The following LIPJ variants were observed in gnomAD, a reference collection of about 807,000 sequenced individuals.
The protein encoded by LIPJ is lipase family member J.
LIPJ carries 33 observed loss-of-function variants against 39.8 expected under a neutral mutation model. That is an observed-to-expected ratio of 0.83 (90% CI 0.63 to 1.11). The LOEUF (loss-of-function observed/expected upper bound fraction) is 1.11, where lower values mean the gene tolerates loss of function less well. Ranked by LOEUF, LIPJ falls within the 50% of genes least tolerant of loss-of-function variation. The pLI is 0.00. For missense variants in LIPJ, 422 were observed against 427.9 expected, an observed-to-expected ratio of 0.99 and a Z score of 0.12; for synonymous variants, 128 against 139.2, an observed-to-expected ratio of 0.92 and a Z score of 0.57.
the LIPJ span, among the ~76,000 whole-genome samples, chr10:88,615,200 G>T: frequency 6.6e-6 from 1 of 152,178 alleles, no homozygotes; most frequent in African/African-American, 2.4e-5. Flanking sequence ...CAAAGGGATT[G>T]TAATATACAA....
At chr10:88,587,547 A>T (rs1270810700) in intron 2 of LIPJ, among the ~76,000 whole-genome samples, 155 bp downstream of exon 2, 1 of 152,100 alleles carries the variant, frequency 6.6e-6, no homozygotes, top group East Asian at 1.9e-4. Context: ...GATATTTGAT[A>T]TCTTCATATT....
upstream of LIPJ, among the ~76,000 whole-genome samples, chr10:88,585,007 C>T (rs1018503977): frequency 5.3e-5 from 8 of 152,154 alleles, no homozygotes; most frequent in African/African-American, 1.2e-4. Flanking sequence ...TACAATTATA[C>T]ATTGAAGTTT....
Position 88,596,935 on chromosome 10 carries a change from TG to T in LIPJ, c.723+1del. On this transcript the variant is annotated frameshift_variant and splice_region_variant, in exon 8 of 11. Transcript: ENST00000371939. LOFTEE classifies it high-confidence loss of function. The stretch of plus-strand genomic sequence containing the variant: ...GGATATGACCCAAAAAACTTAAATA[TG>T]GTAAGAACAAGTTGTATTTGAAATA... 6.9e-7 allele frequency: 1 copy of T among 1,454,300 alleles called. No individual in the cohort carries two copies. Among genetic ancestry groups the T allele is most frequent in the Non-Finnish European group, 9.5e-7 (1 of 1,056,910 alleles). The allele number at this position is 1,454,300 out of a possible 1,614,324, so 90.1% of individuals were successfully genotyped here.
At chr10:88,602,521 C>G (rs1272666764) in intron 8 of LIPJ, 55 bp from the exon 9 acceptor site, 14 of 1,196,480 alleles carry the variant, frequency 1.2e-5, no homozygotes, top group Non-Finnish European at 1.6e-5. Flanking sequence ...AAAGATTATG[C>G]TCTCTATGAT....
intron 9 of LIPJ, 87 bp downstream of exon 9, chr10:88,602,734 T>C: frequency 5.9e-6 from 4 of 673,926 alleles, no homozygotes; most frequent in South Asian, 2.5e-5. Flanking sequence ...ACCATGGCCA[T>C]AGAGTAATAA....
chr10:88,597,784 A>G (rs896078827), intron 8 of LIPJ, among the ~76,000 whole-genome samples: 7 of 150,642 alleles, frequency 4.6e-5, no homozygotes, highest in African/African-American at 1.7e-4. Context: ...TTACTTTCAT[A>G]TTCCCTCTTT....
chr10:88,621,838 A>C, the LIPJ span, among the ~76,000 whole-genome samples: 2,215 of 152,296 alleles, frequency 0.015, 64 homozygotes, highest in African/African-American at 0.05. Flanking sequence ...AGCAGAGGTA[A>C]ACATGTATGC....
intron 8 of LIPJ, among the ~76,000 whole-genome samples, chr10:88,598,507 A>T (rs992351603): frequency 1.3e-5 from 2 of 152,174 alleles, no homozygotes; most frequent in East Asian, 3.9e-4. Flanking sequence ...TCTAACTCTT[A>T]TGAGGGGAAA....
At chr10:88,583,449 G>A, upstream of LIPJ, 1 of 1,333,666 alleles carries the variant, frequency 7.5e-7, no homozygotes, top group African/African-American at 1.5e-5. Flanking sequence ...TTGGGGGCCG[G>A]GCGCCCTGCC....
intron 6 of LIPJ, among the ~76,000 whole-genome samples, 166 bp downstream of exon 6, chr10:88,594,942 C>T (rs1477605296): frequency 6.6e-6 from 1 of 151,704 alleles, no homozygotes; most frequent in East Asian, 1.9e-4. Context: ...TGCTTTGATC[C>T]CCCATGGAGT....
chr10:88,597,073 A>C, intron 8 of LIPJ, 137 bp downstream of exon 8: 1 of 517,682 alleles, frequency 1.9e-6, no homozygotes, highest in East Asian at 3.2e-5. Context: ...AGCCTATCTG[A>C]TTTTATGACT....
the LIPJ span, chr10:88,618,254 C>G: frequency 7.2e-5 from 11 of 152,090 alleles, no homozygotes; most frequent in African/African-American, 2.4e-4. Flanking sequence ...ATTGATCTAG[C>G]CTTCCCTGTT....
upstream of LIPJ, among the ~76,000 whole-genome samples, chr10:88,586,284 C>T (rs892597817): frequency 6.6e-6 from 1 of 152,090 alleles, no homozygotes; most frequent in African/African-American, 2.4e-5. Flanking sequence ...ATAATGGGTC[C>T]TTGGTTGACT....
chr10:88,593,268 C>T (rs1851140503), intron 4 of LIPJ: 1 of 151,690 alleles, frequency 6.6e-6, no homozygotes, highest in Admixed American at 6.6e-5. Flanking sequence ...CTCTGGAGAC[C>T]AGGGCCTCTA....
upstream of LIPJ, chr10:88,583,281 C>T: frequency 1.3e-6 from 2 of 1,556,040 alleles, no homozygotes; most frequent in Non-Finnish European, 8.6e-7. Context: ...GGCGCTAGCG[C>T]TCTTTGGTTC....
chr10:88,618,240 G>A, the LIPJ span: 1 of 151,950 alleles, frequency 6.6e-6, no homozygotes. Context: ...TTTCTAATAA[G>A]CCTATTGATC....
chr10:88,584,779 A>G (rs976467766), upstream of LIPJ, among the ~76,000 whole-genome samples: 4 of 152,150 alleles, frequency 2.6e-5, no homozygotes, highest in Admixed American at 6.5e-5. Context: ...GTGGGTGTGT[A>G]TACTTTATGT....
rs372231346 is a variant in LIPJ at position 88,602,611 on chromosome 10, A to G, written c.759A>G (p.Ala253=). Residue 253 remains alanine (A), a synonymous_variant, in exon 9 of 11, where the codon GCA becomes GCG. Transcript: ENST00000371939. The stretch of plus-strand genomic sequence containing the variant: ...ATGTGTATTTTTCACACAACCCAGC[A>G]GGAACATCTGTTCAAAATATGCTTC... 7.1e-4 allele frequency: 1,103 copies of G among 1,554,420 alleles called. 19 individuals are homozygous for G. The South Asian group carries it at 0.012, about 17-fold the overall frequency.
chr10:88,605,711 AAT>A lies in LIPJ; in HGVS notation c.867+8_867+9del. ...CTTGGTTCATTATAATCAGGTACAT[AAT>A]TCTCTATAAAAACTCTCTACCTTAC... is the stretch of plus-strand genomic sequence containing the variant. On this transcript the variant is annotated splice_region_variant and intron_variant, in intron 10 of 10. Coordinates refer to ENST00000371939, the Ensembl canonical transcript of LIPJ. 1 of 1,586,960 alleles carries A rather than the reference AAT, an allele frequency of 6.3e-7. No individual in the cohort carries two copies.
Sources: gnomAD v4.1 joint callset for allele counts (sites outside exome capture counted in the v4.1 genomes callset) on GRCh38, gnomAD v4.1.1 for gene constraint, MANE v1.5 for transcripts, NCBI Gene and HGNC (gene_info 2026-07-23, HGNC 2026-07-21) for gene names.